The following PCSK4 variants were observed in gnomAD, a reference collection of about 807,000 sequenced individuals.
PCSK4 encodes testicular tissue protein Li 135.
In PCSK4, 64 loss-of-function variants were observed where a neutral mutation model predicts 80.3. The observed-to-expected ratio is 0.80, with a 90% CI of 0.65 to 0.98. The LOEUF (loss-of-function observed/expected upper bound fraction) is 0.98. Ranked by LOEUF, PCSK4 falls within the 50% of genes least tolerant of loss-of-function variation. PCSK4 has a pLI of 0.00. For synonymous variants in PCSK4, 561 were observed against 487.6 expected (o/e 1.15, Z -1.98); for missense variants, 1,213 against 1,093.6 (o/e 1.11, Z -1.54).
At chr19:1,487,817 G>A in exon 5 of PCSK4, 1 of 1,578,170 alleles carries the variant, frequency 6.3e-7, no homozygotes, top group South Asian at 1.2e-5. Flanking sequence ...AGCGGGGCTG[G>A]GGGTCCGGGT....
At chr19:1,488,121 G>C (rs993424775) in intron 3 of PCSK4, 29 bp from the exon 4 acceptor site, 2 of 1,612,822 alleles carry the variant, frequency 1.2e-6, no homozygotes, top group Admixed American at 3.3e-5. Context: ...TTGTGACCCT[G>C]TGAGGGCCTG....
chr19:1,481,906 G>C (rs753241360), exon 15 of PCSK4: 78 of 1,595,776 alleles, frequency 4.9e-5, no homozygotes, highest in Non-Finnish European at 6.7e-5. Context: ...CCATGGCCGA[G>C]GCTGGGCAGC....
chr19:1,489,636 G>T, intron 2 of PCSK4, 157 bp downstream of exon 2: 2 of 1,319,330 alleles, frequency 1.5e-6, no homozygotes, highest in Non-Finnish European at 2.0e-6. Context: ...GGGTCTTCCT[G>T]CCTCCTCTTG....
At chr19:1,483,396 G>T (rs763393336) in exon 12 of PCSK4, 1 of 1,604,872 alleles carries the variant, frequency 6.2e-7, no homozygotes, top group Admixed American at 1.7e-5. Context: ...TCCAGCGAGC[G>T]GATGGAGTTG....
Position 1,483,481 on chromosome 19 carries a change from T to C in PCSK4, c.1392-18A>G, listed in dbSNP as rs1458807301. Reference sequence around the variant, plus strand: ...GGATGGGGCTGAGGGGGTCGAGGGGTGAGGACCCTCCTGCGGCCTGCTGGG... The same window carrying C: ...GGATGGGGCTGAGGGGGTCGAGGGGCGAGGACCCTCCTGCGGCCTGCTGGG... On this transcript the variant is annotated intron_variant, in intron 11 of 14. Transcript: ENST00000300954. The C allele has an allele frequency of 6.7e-7, 1 of 1,495,754 alleles. No homozygotes were observed. The highest frequency in any genetic ancestry group is 9.0e-7 in the Non-Finnish European group (1 of 1,115,998). 92.7% of individuals were successfully genotyped at this position (1,495,754 alleles called of 1,614,324 possible). A position where few individuals can be genotyped will look rare whatever the true frequency, so the allele number is the denominator to read the frequency against.
chr19:1,481,878 C>T (rs775533550), exon 15 of PCSK4: 44 of 1,590,388 alleles, frequency 2.8e-5, no homozygotes, highest in Middle Eastern at 1.7e-4. Flanking sequence ...CCGAGGGTCA[C>T]GGCCAGGAGG....
At chr19:1,482,032 C>T in exon 15 of PCSK4, 1 of 1,567,122 alleles carries the variant, frequency 6.4e-7, no homozygotes, top group Non-Finnish European at 8.6e-7. Context: ...AGGTGCAGTC[C>T]CTCGGGGAGC....
chr19:1,483,390 G>A (rs1217424100), exon 12 of PCSK4: 7 of 1,605,554 alleles, frequency 4.4e-6, no homozygotes, highest in African/African-American at 1.3e-5. Flanking sequence ...ACGTGCTCCA[G>A]CGAGCGGATG....
At chr19:1,490,218 G>A (rs757757664) in exon 1 of PCSK4, 6 of 1,613,260 alleles carry the variant, frequency 3.7e-6, no homozygotes, top group Admixed American at 3.3e-5. Flanking sequence ...GGTTACCCTG[G>A]GACACCTGGA....
chr19:1,487,572 C>T (rs772335394), intron 6 of PCSK4, 31 bp downstream of exon 6: 32 of 1,526,546 alleles, frequency 2.1e-5, no homozygotes, highest in East Asian at 7.3e-5. Context: ...CTCTCTGTCC[C>T]GGAATGGTGC....
At chr19:1,487,629 CCCA>C in exon 6 of PCSK4, 1 of 1,553,718 alleles carries the variant, frequency 6.4e-7, no homozygotes, top group Non-Finnish European at 8.7e-7. Context: ...GAAAGCGACC[CCCA>C]CACCACAGAA....
In PCSK4 at chr19:1,482,887, C is replaced by T. The variant is rs778049604; in HGVS notation, c.1696+9G>A. On this transcript the variant is annotated intron_variant, in intron 13 of 14. Transcript: ENST00000300954. ...AGCCCCGCCCACCACAGCCCCGCCC[C>T]GCCCTCACCCGTGTTGAAATAGTAG... is the stretch of plus-strand genomic sequence containing the variant. 22 of 1,612,364 alleles carry T rather than the reference C, an allele frequency of 1.4e-5. No homozygotes were observed. Among genetic ancestry groups the T allele is most frequent in the South Asian group, 3.3e-5 (3 of 91,010 alleles).
chr19:1,487,863 TG>T lies in PCSK4; in HGVS notation c.517-3del. 3.3e-6 allele frequency: 5 copies of T among 1,508,254 alleles called. No homozygotes were observed. The highest frequency in any genetic ancestry group is 2.7e-6 in the Non-Finnish European group (3 of 1,117,808). The allele number at this position is 1,508,254 out of a possible 1,614,324, so 93.4% of individuals were successfully genotyped here. A position where few individuals can be genotyped will look rare whatever the true frequency, so the allele number is the denominator to read the frequency against. On this transcript the variant is annotated splice_polypyrimidine_tract_variant and splice_region_variant and intron_variant, in intron 4 of 14. Transcript: ENST00000300954. ...GAAGTCATAGCTGGCCAGGGGGTCCTGGGGGCAGGTGGGGATATGAGGGGGC... is the reference window on the plus strand; with the variant it reads ...GAAGTCATAGCTGGCCAGGGGGTCCTGGGGCAGGTGGGGATATGAGGGGGC...
chr19:1,486,912 C>T, exon 8 of PCSK4: 1 of 1,602,970 alleles, frequency 6.2e-7, no homozygotes. Flanking sequence ...GAGGCGCAGG[C>T]TTCGCTGTAC....
chr19:1,487,045 C>T (rs200211239), exon 8 of PCSK4: 297 of 1,606,730 alleles, frequency 1.8e-4, no homozygotes, highest in Admixed American at 5.0e-4. Flanking sequence ...AGATGAAGAG[C>T]GTGCCCAGCC....
Position 1,488,078 on chromosome 19 carries a change from T to C in PCSK4, c.402A>G (p.Gln134=), listed in dbSNP as rs112475014. 212 of 1,613,140 alleles carry C rather than the reference T, an allele frequency of 1.3e-4. 7 individuals are homozygous for C. The African/African-American group carries it at 1.9e-3, about 14-fold the overall frequency. Residue 134 remains glutamine (Q), a synonymous_variant, in exon 4 of 15, where the codon CAA becomes CAG. Coordinates refer to ENST00000300954, the Ensembl canonical transcript of PCSK4. ...AGGCCTGCAGGATGCTCAGGTCTGG[T>C]TGGGCCTCGCTGTTCTGCAGGGGGA... is the stretch of plus-strand genomic sequence containing the variant.
At chr19:1,485,973 TTTG>T (rs2084585156) in intron 8 of PCSK4, among the ~76,000 whole-genome samples, 1 of 151,920 alleles carries the variant, frequency 6.6e-6, no homozygotes, top group Non-Finnish European at 1.5e-5. Context: ...TTTGTTTTGT[TTTG>T]TTTTGTTTTG....
chr19:1,482,291 C>T, intron 14 of PCSK4, 62 bp downstream of exon 14: 2 of 1,531,438 alleles, frequency 1.3e-6, no homozygotes, highest in Non-Finnish European at 1.7e-6. Flanking sequence ...GGGCCACATG[C>T]ACGCTGCCCA....
chr19:1,483,731 C>T lies in PCSK4; in HGVS notation c.1310G>A (p.Gly437Glu), dbSNP rs374420770. The T allele has an allele frequency of 9.4e-6, 15 of 1,594,740 alleles. No individual in the cohort carries two copies. The Admixed American group carries it at 1.0e-4, about 11-fold the overall frequency. ...GGTGCGGGCGGTGTCCACCAGCAGC[C>T]CGGCGTCCAGCAGCCCGTATCCGTA... The change falls in exon 11 of 15, where the codon GGG becomes GAG. Residue 437 changes from glycine (G) to glutamate (E), a missense_variant. Transcript: ENST00000300954.
Sources: allele counts gnomAD v4.1 joint callset (sites outside exome capture counted in the v4.1 genomes callset), GRCh38; gene constraint gnomAD v4.1.1; transcripts MANE v1.5; gene names NCBI Gene and HGNC (gene_info 2026-07-23, HGNC 2026-07-21).